The following BICC1 variants were observed in gnomAD, a reference collection of about 807,000 sequenced individuals.
BICC1 encodes BicC family RNA binding protein 1.
BICC1 carries 43 observed loss-of-function variants against 111.0 expected under a neutral mutation model. That is an observed-to-expected ratio of 0.39 (90% confidence interval 0.30 to 0.50). The LOEUF (loss-of-function observed/expected upper bound fraction) is 0.50. Among genes scored for constraint, BICC1 ranks in the 20% least tolerant of loss-of-function variants. BICC1 has a pLI of 0.88. For missense variants in BICC1, 1,091 were observed against 1,203.2 expected (o/e 0.91, Z 1.38); for synonymous variants, 467 against 434.4 (o/e 1.07, Z -0.93).
intron 2 of BICC1, among the ~76,000 whole-genome samples, chr10:58,639,349 G>A (rs914714082): frequency 6.6e-6 from 1 of 151,680 alleles, no homozygotes; most frequent in African/African-American, 2.4e-5. Context: ...AAATTCCCCA[G>A]TGAAGTAGGG....
At chr10:58,754,530 C>G (rs1258063450) in intron 3 of BICC1, among the ~76,000 whole-genome samples, 1 of 152,194 alleles carries the variant, frequency 6.6e-6, no homozygotes, top group Admixed American at 6.5e-5. Flanking sequence ...GGAGAAAAGT[C>G]TAAAGTCTCT....
At chr10:58,588,360 G>T (rs905771914) in intron 1 of BICC1, among the ~76,000 whole-genome samples, 1 of 152,172 alleles carries the variant, frequency 6.6e-6, no homozygotes, top group Non-Finnish European at 1.5e-5. Flanking sequence ...GTGCTGGCGG[G>T]TGCATGGGTG....
chr10:58,574,157 G>T (rs976208593), intron 1 of BICC1, among the ~76,000 whole-genome samples: 4 of 152,100 alleles, frequency 2.6e-5, no homozygotes, highest in African/African-American at 9.7e-5. Context: ...CATCCTACAG[G>T]CATTTGTTAC....
chr10:58,679,101 C>T (rs1013953798), intron 2 of BICC1, among the ~76,000 whole-genome samples: 1 of 152,126 alleles, frequency 6.6e-6, no homozygotes, highest in African/African-American at 2.4e-5. Context: ...CTAAAATTGA[C>T]ACCCTAACAT....
chr10:58,598,664 A>T (rs977036477), intron 1 of BICC1, among the ~76,000 whole-genome samples: 1 of 152,196 alleles, frequency 6.6e-6, no homozygotes, highest in African/African-American at 2.4e-5. Flanking sequence ...AATGGGATCT[A>T]ATTAAATTAA....
chr10:58,714,706 C>A (rs959469597), intron 3 of BICC1, among the ~76,000 whole-genome samples: 14 of 152,120 alleles, frequency 9.2e-5, no homozygotes, highest in Admixed American at 7.9e-4. Flanking sequence ...GTTTCTCAAA[C>A]CGTGTGTGAC....
At chr10:58,790,707 C>T (rs1381720829) in intron 8 of BICC1, among the ~76,000 whole-genome samples, 1 of 152,118 alleles carries the variant, frequency 6.6e-6, no homozygotes, top group Non-Finnish European at 1.5e-5. Context: ...TGCCTGTAAT[C>T]CCAGTTACTC....
chr10:58,548,638 CACCCCTTCCGAA>C (rs1843204133), intron 1 of BICC1, among the ~76,000 whole-genome samples: 1 of 152,188 alleles, frequency 6.6e-6, no homozygotes, highest in Non-Finnish European at 1.5e-5. Flanking sequence ...ATTCAACCCT[CACCCCTTCCGAA>C]ACCCCTGGCA....
At chr10:58,570,612 CT>C (rs1425261976) in intron 1 of BICC1, among the ~76,000 whole-genome samples, 2 of 152,154 alleles carry the variant, frequency 1.3e-5, no homozygotes. Flanking sequence ...CTGCTTCTTA[CT>C]TTGGCTTTGT....
chr10:58,808,052 GA>G (rs1183564029), intron 17 of BICC1, among the ~76,000 whole-genome samples: 1 of 148,248 alleles, frequency 6.7e-6, no homozygotes, highest in Admixed American at 6.7e-5. Flanking sequence ...GGCTATTGAT[GA>G]AACACAAAAG....
intron 18 of BICC1, among the ~76,000 whole-genome samples, chr10:58,816,414 G>A (rs1844089319): frequency 6.6e-6 from 1 of 152,136 alleles, no homozygotes; most frequent in Admixed American, 6.6e-5. Flanking sequence ...ATAAACAGCA[G>A]CTATCCTTAA....
chr10:58,515,782 G>A (rs1333266848), intron 1 of BICC1, among the ~76,000 whole-genome samples: 1 of 152,136 alleles, frequency 6.6e-6, no homozygotes. Context: ...TGGGAGAATC[G>A]AAAGAGATAA....
At chr10:58,538,774 A>G (rs764733294) in intron 1 of BICC1, among the ~76,000 whole-genome samples, 3 of 151,980 alleles carry the variant, frequency 2.0e-5, no homozygotes, top group Non-Finnish European at 2.9e-5. Flanking sequence ...GGCAAAGGAC[A>G]TGAATAGACA....
chr10:58,799,044 ATGT>A lies in BICC1; in HGVS notation c.1529-5_1529-3del, dbSNP rs772297670. 14 of 1,523,244 alleles carry A rather than the reference ATGT, an allele frequency of 9.2e-6. No homozygotes were observed. The highest frequency in any genetic ancestry group is 4.1e-5 in the African/African-American group (3 of 72,454). 94.4% of individuals were successfully genotyped at this position (1,523,244 alleles called of 1,614,324 possible). A position where few individuals can be genotyped will look rare whatever the true frequency, so the allele number is the denominator to read the frequency against. ...TCTTCCTAATATCTGTCATCATAAA[ATGT>A]TGTTGTAGGTTTTTCTGCTATACCA... On this transcript the variant is annotated splice_polypyrimidine_tract_variant and intron_variant, in intron 11 of 20. Transcript: ENST00000373886.
intron 2 of BICC1, among the ~76,000 whole-genome samples, chr10:58,656,979 A>C (rs753743528): frequency 1.4e-4 from 22 of 152,136 alleles, no homozygotes; most frequent in Admixed American, 3.3e-4. Context: ...ACAGTGACCC[A>C]GTCTGGGATT....
chr10:58,591,903 C>T (rs7091956), intron 1 of BICC1, among the ~76,000 whole-genome samples: 42,074 of 152,108 alleles, frequency 0.28, 6,158 homozygotes, highest in East Asian at 0.46. Context: ...GTTTAATGTT[C>T]GCTAACCACA....
chr10:58,758,104 A>G (rs564813114), intron 3 of BICC1, among the ~76,000 whole-genome samples: 151 of 152,328 alleles, frequency 9.9e-4, no homozygotes, highest in Admixed American at 6.6e-3. Flanking sequence ...AAGTCATCCT[A>G]TGAATGATTA....
At chr10:58,655,945 C>T (rs911425032) in intron 2 of BICC1, among the ~76,000 whole-genome samples, 8 of 151,658 alleles carry the variant, frequency 5.3e-5, no homozygotes, top group East Asian at 1.9e-4. Flanking sequence ...ATTGATAGAC[C>T]GCTAGCAAGA....
At chr10:58,715,856 C>G (rs1840723603) in intron 3 of BICC1, 17 of 1,219,956 alleles carry the variant, frequency 1.4e-5, no homozygotes, top group East Asian at 2.5e-5. Flanking sequence ...AAGAAGAAAT[C>G]TGATAGGTAT....
Sources: allele counts gnomAD v4.1 joint callset (sites outside exome capture counted in the v4.1 genomes callset), GRCh38; gene constraint gnomAD v4.1.1; transcripts MANE v1.5; gene names NCBI Gene and HGNC (gene_info 2026-07-23, HGNC 2026-07-21).